NTRK2: variants seen among roughly 807,000 people sequenced by gnomAD.
NTRK2 encodes neurotrophic receptor tyrosine kinase 2, also known as BDNF/NT-3 growth factors receptor.
In NTRK2, 13 loss-of-function variants were observed where a neutral mutation model predicts 94.5. That is an observed-to-expected ratio of 0.14 (90% CI 0.09 to 0.22). NTRK2 has a LOEUF of 0.22. Ranked by LOEUF, NTRK2 falls within the 10% of genes least tolerant of loss-of-function variation. The pLI, the probability that NTRK2 is intolerant of heterozygous loss-of-function variation, is 1.00. For synonymous variants in NTRK2, 372 were observed against 407.4 expected, an observed-to-expected ratio of 0.91 and a Z score of 1.05; for missense variants, 639 against 1,071.2, an observed-to-expected ratio of 0.60 and a Z score of 5.63.
intron 14 of NTRK2, among the ~76,000 whole-genome samples, chr9:84,929,945 C>T (rs2077965096): frequency 6.6e-6 from 1 of 152,134 alleles, no homozygotes; most frequent in Non-Finnish European, 1.5e-5. Flanking sequence ...AGCAGATTGG[C>T]TGATCACAGA....
chr9:84,871,723 C>T, intron 14 of NTRK2: 1 of 1,333,786 alleles, frequency 7.5e-7, no homozygotes, highest in Non-Finnish European at 1.1e-6. Context: ...GATTGTAGAG[C>T]AATCTGAACA....
rs931164816 is a variant in NTRK2 at position 84,757,157 on chromosome 9, C to CT, written c.1396+5080dup. ...TTCCATATGCACCCTCTTCCTTCTTCTTTTTTTTAAAGAAAAATGCCGTCG... is the reference window on the plus strand; with the variant it reads ...TTCCATATGCACCCTCTTCCTTCTTCTTTTTTTTTAAAGAAAAATGCCGTCG... On this transcript the variant is annotated intron_variant, in intron 12 of 18. Transcript: ENST00000277120. Among the ~76,000 whole-genome samples, 14 of 151,940 alleles carry CT rather than the reference C, an allele frequency of 9.2e-5. No homozygotes were observed. In the East Asian group the frequency reaches 1.3e-3, roughly 15 times the overall value.
At position 85,021,652 on chromosome 9, in the gene NTRK2, C is replaced by G; in HGVS notation, c.*215C>G. Reference sequence around the variant, plus strand: ...TCTTTTTGGCATTATCTCTTTCTCTCTTTCCATCTCCCTTGGTTGTTCCTT... The same window carrying G: ...TCTTTTTGGCATTATCTCTTTCTCTGTTTCCATCTCCCTTGGTTGTTCCTT... On this transcript the variant is annotated 3_prime_UTR_variant, in exon 19 of 19. Coordinates refer to ENST00000277120, the MANE Select transcript of NTRK2 (RefSeq NM_006180.6). 1.7e-6 allele frequency: 1 copy of G among 602,814 alleles called. No homozygotes were observed. The highest frequency in any genetic ancestry group is 3.0e-6 in the Non-Finnish European group (1 of 338,050). The allele number at this position is 602,814 out of a possible 1,614,324, so 37.3% of individuals were successfully genotyped here. A position where few individuals can be genotyped will look rare whatever the true frequency, so the allele number is the denominator to read the frequency against.
intron 18 of NTRK2, 117 bp downstream of exon 18, chr9:85,020,481 T>G: frequency 9.4e-7 from 1 of 1,059,558 alleles, no homozygotes; most frequent in Non-Finnish European, 1.5e-6. Flanking sequence ...ATGGGCTTTG[T>G]TGGTGGCAGC....
At chr9:84,912,288 C>T (rs1340359485) in intron 14 of NTRK2, among the ~76,000 whole-genome samples, 1 of 151,970 alleles carries the variant, frequency 6.6e-6, no homozygotes, top group East Asian at 1.9e-4. Context: ...TTTATTTCTT[C>T]TATATTCTTG....
chr9:84,823,104 A>T (rs550115938), intron 12 of NTRK2, among the ~76,000 whole-genome samples: 4 of 151,472 alleles, frequency 2.6e-5, no homozygotes, highest in South Asian at 2.1e-4. Context: ...TTTTTTTTTA[A>T]AAGTACCCAG....
intron 12 of NTRK2, among the ~76,000 whole-genome samples, chr9:84,816,089 C>A (rs1043734919): frequency 1.3e-5 from 2 of 151,688 alleles, no homozygotes; most frequent in African/African-American, 2.4e-5. Context: ...ACCCAGGTCA[C>A]AATAAGAGAG....
At chr9:84,926,158 C>G (rs1352263428) in intron 14 of NTRK2, among the ~76,000 whole-genome samples, 1 of 78,606 alleles carries the variant, frequency 1.3e-5, no homozygotes, top group Admixed American at 1.5e-4. Flanking sequence ...TCCTTCCTTC[C>G]TTCCTTCCTT....
rs890038356 is a variant in NTRK2, at chr9:84,888,649, A to C, written c.1633+21218A>C. Reference sequence around the variant, plus strand: ...AAAAAAAAAAAAAAAAAAAAAAAAAAGTGGCAGAGAAGAGACTCAAACCCA... The same window carrying C: ...AAAAAAAAAAAAAAAAAAAAAAAAACGTGGCAGAGAAGAGACTCAAACCCA... On this transcript the variant is annotated intron_variant, in intron 14 of 18. Transcript: ENST00000277120. Among the ~76,000 whole-genome samples, 3 of 141,090 alleles carry C rather than the reference A, an allele frequency of 2.1e-5. No individual in the cohort carries two copies. In the Admixed American group the frequency reaches 2.2e-4, roughly 10 times the overall value. The allele number at this position is 141,090 out of a possible 152,430, so 92.6% of individuals were successfully genotyped here. A position where few individuals can be genotyped will look rare whatever the true frequency, so the allele number is the denominator to read the frequency against.
chr9:84,751,992 G>A lies in NTRK2; in HGVS notation c.1303G>A (p.Ala435Thr). Residue 435 changes from alanine to threonine, a missense_variant, in exon 12 of 19, where the codon GCT (alanine) becomes ACT (threonine). This residue lies in a region of NTRK2 where 343 missense variants were observed against 571.5 expected (regional missense o/e 0.60). Coordinates refer to ENST00000277120, the MANE Select transcript of NTRK2 (RefSeq NM_006180.6). ...CCTCCCTTCCTTTCTCTAGGTCTAT[G>A]CTGTGGTGGTGATTGCGTCTGTGGT... ...KTGREHLSVY[A>T]VVVIASVVGF... 4.3e-6 allele frequency: 7 copies of A among 1,613,924 alleles called. No homozygotes were observed. Among genetic ancestry groups the A allele is most frequent in the East Asian group, 2.2e-5 (1 of 44,870 alleles).
chr9:84,899,141 C>G (rs1217424305), intron 14 of NTRK2, among the ~76,000 whole-genome samples: 1 of 152,148 alleles, frequency 6.6e-6, no homozygotes, highest in Admixed American at 6.5e-5. Flanking sequence ...CATACAGCTC[C>G]TCTTAGAAGG....
intron 12 of NTRK2, among the ~76,000 whole-genome samples, chr9:84,821,329 AC>A (rs1490692113): frequency 1.1e-4 from 9 of 82,368 alleles, no homozygotes; most frequent in Non-Finnish European, 2.4e-4. Context: ...TTACACACAC[AC>A]ACACACACAC....
chr9:84,898,185 C>T (rs2076817226), intron 14 of NTRK2, among the ~76,000 whole-genome samples: 1 of 152,020 alleles, frequency 6.6e-6, no homozygotes, highest in African/African-American at 2.4e-5. Context: ...ACAGGAGCAG[C>T]CTAGCAACAT....
rs201539869 is a variant in NTRK2, at chr9:85,022,670, C to T, written c.*1233C>T. ...ATTAATACCTTGTGTGCAGACACTA[C>T]TGCTCCAGACGTCGTTTCCCTGATA... On this transcript the variant is annotated 3_prime_UTR_variant, in exon 19 of 19. Coordinates refer to ENST00000277120, the MANE Select transcript of NTRK2 (RefSeq NM_006180.6). The T allele has an allele frequency of 1.7e-4, 39 of 233,160 alleles. No homozygotes were observed. The East Asian group carries it at 2.4e-3, about 14-fold the overall frequency. 14.4% of individuals were successfully genotyped at this position (233,160 alleles called of 1,614,324 possible). A position where few individuals can be genotyped will look rare whatever the true frequency, so the allele number is the denominator to read the frequency against.
chr9:84,719,894 C>T (rs894973046), intron 6 of NTRK2, among the ~76,000 whole-genome samples: 1 of 151,616 alleles, frequency 6.6e-6, no homozygotes, highest in Non-Finnish European at 1.5e-5. Flanking sequence ...GTGGTGTGTG[C>T]CCATTATCCC....
At chr9:84,705,315 CT>C (rs2060977735) in intron 4 of NTRK2, among the ~76,000 whole-genome samples, 1 of 152,152 alleles carries the variant, frequency 6.6e-6, no homozygotes, top group Admixed American at 6.5e-5. Flanking sequence ...AGCCCAGGGA[CT>C]GTGAGAAAAG....
intron 14 of NTRK2, among the ~76,000 whole-genome samples, chr9:84,893,629 C>T (rs1045224255): frequency 3.3e-5 from 5 of 152,188 alleles, no homozygotes; most frequent in African/African-American, 1.2e-4. Flanking sequence ...ATTAGGAGGT[C>T]TGCCTTTGTG....
Position 84,710,762 on chromosome 9 carries a change from C to T in NTRK2, c.554C>T (p.Pro185Leu). The T allele has an allele frequency of 1.2e-6, 2 of 1,614,112 alleles. No homozygotes were observed. Among genetic ancestry groups the T allele is most frequent in the Non-Finnish European group, 8.5e-7 (1 of 1,180,006 alleles). The change falls in exon 6 of 19, where the codon CCC (proline) becomes CTC (leucine). Residue 185 changes from proline to leucine, a missense_variant. Around this residue, in one of 5 missense-constraint regions of NTRK2, gnomAD observed 206 missense variants for 251.5 expected, o/e 0.82. Transcript: ENST00000277120. ...CTGAATGAAAGCAGCAAGAATATTC[C>T]CCTGGCAAACCTGCAGATACCCAAT... The part of the protein sequence containing the change: ...YCLNESSKNI[P>L]LANLQIPNCG...
intron 15 of NTRK2, among the ~76,000 whole-genome samples, chr9:84,937,049 G>A (rs12340212): frequency 0.18 from 26,947 of 152,040 alleles, 2,637 homozygotes; most frequent in African/African-American, 0.24. Context: ...GCTGTCACTC[G>A]CCAGCCTGAC....
Sources: gnomAD v4.1 joint callset for allele counts (sites outside exome capture counted in the v4.1 genomes callset) on GRCh38, gnomAD v4.1.1 for gene constraint, gnomAD v4.1.1 regional missense constraint, MANE v1.5 for transcripts, NCBI Gene and HGNC (gene_info 2026-07-23, HGNC 2026-07-21) for gene names.